CHST9: variants seen among roughly 807,000 people sequenced by gnomAD.
CHST9 encodes GalNAc-4-sulfotransferase 2.
A neutral mutation model predicts 44.4 loss-of-function variants in CHST9; 41 were observed. The ratio of observed to expected loss-of-function variants is 0.92; its 90% CI spans 0.72 to 1.20. The LOEUF (loss-of-function observed/expected upper bound fraction) is 1.20, where lower values mean the gene tolerates loss of function less well. Among genes scored for constraint, CHST9 ranks in the 50% most tolerant of loss-of-function variants. The pLI is 0.00. For synonymous variants in CHST9, 171 were observed against 178.4 expected, an observed-to-expected ratio of 0.96 and a Z score of 0.33; for missense variants, 504 against 516.5, an observed-to-expected ratio of 0.98 and a Z score of 0.23.
At chr18:26,931,675 C>G (rs560069641) in intron 5 of CHST9, among the ~76,000 whole-genome samples, 83 of 152,280 alleles carry the variant, frequency 5.5e-4, no homozygotes, top group South Asian at 1.0e-3. Flanking sequence ...CAGGGCTCCA[C>G]TCTCCTTCAG....
intron 4 of CHST9, among the ~76,000 whole-genome samples, chr18:26,985,165 G>A (rs568979735): frequency 2.8e-4 from 42 of 152,264 alleles, no homozygotes; most frequent in African/African-American, 1.0e-3. Flanking sequence ...AGAGCAACAA[G>A]AATGAATGAA....
intron 5 of CHST9, among the ~76,000 whole-genome samples, chr18:26,917,699 C>T (rs1333144211): frequency 6.6e-6 from 1 of 152,008 alleles, no homozygotes; most frequent in Non-Finnish European, 1.5e-5. Context: ...GTTTGTGCAC[C>T]TGAATGTAGA....
At chr18:26,990,979 A>G (rs546810616) in intron 4 of CHST9, among the ~76,000 whole-genome samples, 84 of 152,330 alleles carry the variant, frequency 5.5e-4, no homozygotes, top group African/African-American at 1.6e-3. Context: ...TAATAAGGTC[A>G]GAGAGAAACT....
chr18:27,060,470 G>A (rs2057708438), intron 2 of CHST9, among the ~76,000 whole-genome samples: 1 of 152,196 alleles, frequency 6.6e-6, no homozygotes, highest in Non-Finnish European at 1.5e-5. Flanking sequence ...GCGGGAAGTA[G>A]GGTACTCCAG....
chr18:26,985,287 G>A (rs1007748899), intron 4 of CHST9, among the ~76,000 whole-genome samples: 3 of 152,208 alleles, frequency 2.0e-5, no homozygotes, highest in Admixed American at 6.5e-5. Context: ...ATGAATCTAT[G>A]TTGAGAAGAG....
chr18:26,938,058 A>T (rs768185600), intron 5 of CHST9, among the ~76,000 whole-genome samples: 2 of 150,856 alleles, frequency 1.3e-5, no homozygotes, highest in African/African-American at 2.4e-5. Context: ...GATTGTGAAT[A>T]GTTCTCACAG....
chr18:27,095,270 T>C (rs2058106169), intron 2 of CHST9, among the ~76,000 whole-genome samples: 1 of 152,182 alleles, frequency 6.6e-6, no homozygotes, highest in South Asian at 2.1e-4. Context: ...CATCATTCTC[T>C]AATCTAGCAT....
chr18:27,169,592 ATTC>A (rs1555630191), intron 1 of CHST9, among the ~76,000 whole-genome samples: 1 of 142,458 alleles, frequency 7.0e-6, no homozygotes, highest in African/African-American at 2.7e-5. Context: ...TAAAACATAT[ATTC>A]TTCTTTTTTT....
chr18:27,134,116 C>G (rs556208148), intron 2 of CHST9, among the ~76,000 whole-genome samples: 1 of 152,050 alleles, frequency 6.6e-6, no homozygotes, highest in African/African-American at 2.4e-5. Flanking sequence ...AATTTCAAAA[C>G]AGCAACATCG....
intron 2 of CHST9, among the ~76,000 whole-genome samples, chr18:27,073,973 C>T (rs1356189602): frequency 1.3e-5 from 2 of 152,074 alleles, no homozygotes; most frequent in Non-Finnish European, 2.9e-5. Flanking sequence ...GAGGTGCAGG[C>T]ATCATTCATC....
intron 2 of CHST9, among the ~76,000 whole-genome samples, chr18:27,067,502 G>A (rs1183191182): frequency 6.6e-6 from 1 of 151,988 alleles, no homozygotes; most frequent in African/African-American, 2.4e-5. Flanking sequence ...AGGGTCAAAG[G>A]ATTCAACGAC....
intron 2 of CHST9, among the ~76,000 whole-genome samples, chr18:27,096,818 C>T (rs1421707818): frequency 1.3e-5 from 2 of 151,824 alleles, no homozygotes; most frequent in Non-Finnish European, 2.9e-5. Flanking sequence ...AAGCCTCAAG[C>T]CAGATGGATT....
chr18:27,160,396 A>G (rs996942124), intron 1 of CHST9, among the ~76,000 whole-genome samples: 1 of 152,164 alleles, frequency 6.6e-6, no homozygotes, highest in Non-Finnish European at 1.5e-5. Flanking sequence ...GGTTCTGTTT[A>G]TATGCTGGAT....
chr18:27,031,511 C>G (rs1048901153), intron 3 of CHST9, among the ~76,000 whole-genome samples: 3 of 152,206 alleles, frequency 2.0e-5, no homozygotes, highest in Admixed American at 2.0e-4. Context: ...CTTAGCACAT[C>G]AAATTACAAC....
At chr18:27,005,398 C>T (rs2057004578) in intron 4 of CHST9, among the ~76,000 whole-genome samples, 1 of 152,006 alleles carries the variant, frequency 6.6e-6, no homozygotes, top group Admixed American at 6.6e-5. Context: ...TTGGTGGAAC[C>T]GATCTTAATA....
rs1324958352 is a variant in CHST9 at position 26,913,424 on chromosome 18, G to T, written c.*2835C>A. ...ACATACATTTCCATTGAAGTTTATG[G>T]CAGTTTCTGGGCACAATCACATCAA... On this transcript the variant is annotated 3_prime_UTR_variant, in exon 6 of 6. Transcript: ENST00000618847. 1 of 152,120 alleles carries T rather than the reference G, an allele frequency of 6.6e-6. No individual in the cohort carries two copies. The highest frequency in any genetic ancestry group is 6.5e-5 in the Admixed American group (1 of 15,270). The allele number at this position is 152,120 out of a possible 1,614,324, so 9.4% of individuals were successfully genotyped here. A position where few individuals can be genotyped will look rare whatever the true frequency, so the allele number is the denominator to read the frequency against.
chr18:26,928,097 A>T (rs1293428832), intron 5 of CHST9: 2 of 152,912 alleles, frequency 1.3e-5, no homozygotes, highest in Non-Finnish European at 2.9e-5. Flanking sequence ...TTCGGGGAGC[A>T]CAGGGTTGGG....
At chr18:27,170,117 G>A (rs1042897925) in intron 1 of CHST9, among the ~76,000 whole-genome samples, 1 of 152,196 alleles carries the variant, frequency 6.6e-6, no homozygotes, top group Non-Finnish European at 1.5e-5. Context: ...GGAGAACACA[G>A]AGGGTATGCT....
At chr18:27,113,961 C>A (rs553654636) in intron 2 of CHST9, among the ~76,000 whole-genome samples, 1 of 152,126 alleles carries the variant, frequency 6.6e-6, no homozygotes, top group Non-Finnish European at 1.5e-5. Flanking sequence ...CACAGCTCTG[C>A]ATGAAAATTT....
Sources: gnomAD v4.1 joint callset for allele counts (sites outside exome capture counted in the v4.1 genomes callset) on GRCh38, gnomAD v4.1.1 for gene constraint, MANE v1.5 for transcripts, NCBI Gene and HGNC (gene_info 2026-07-23, HGNC 2026-07-21) for gene names.